Variants in HECW2 observed in about 807,000 individuals in gnomAD.
HECW2 encodes E3 ubiquitin-protein ligase HECW2.
In HECW2, 61 loss-of-function variants were observed where a neutral mutation model predicts 175.2. That is an observed-to-expected ratio of 0.35 (90% confidence interval 0.28 to 0.43). The LOEUF (loss-of-function observed/expected upper bound fraction) is 0.43, where lower values mean the gene tolerates loss of function less well. Among genes scored for constraint, HECW2 ranks in the 20% least tolerant of loss-of-function variants. HECW2 has a pLI of 1.00. For synonymous variants in HECW2, 671 were observed against 731.0 expected (o/e 0.92, Z 1.32); for missense variants, 1,524 against 2,000.5 (o/e 0.76, Z 4.54).
chr2:196,361,870 A>G (rs1227228851), intron 2 of HECW2: 1 of 985,266 alleles, frequency 1.0e-6, no homozygotes, highest in African/African-American at 1.7e-5. Context: ...GGCAGCAGCA[A>G]GAAGAAACAT....
At chr2:196,353,689 C>A (rs1693254366) in intron 2 of HECW2, among the ~76,000 whole-genome samples, 1 of 152,236 alleles carries the variant, frequency 6.6e-6, no homozygotes, top group Non-Finnish European at 1.5e-5. Context: ...AGCCGTGATT[C>A]AGAGTGAGAA....
intron 1 of HECW2, among the ~76,000 whole-genome samples, chr2:196,443,851 A>G (rs1324101481): frequency 6.6e-6 from 1 of 152,156 alleles, no homozygotes; most frequent in African/African-American, 2.4e-5. Context: ...CCTGGGCAAC[A>G]TGGCAAAACC....
intron 28 of HECW2, among the ~76,000 whole-genome samples, chr2:196,212,382 G>C (rs1248830659): frequency 6.6e-6 from 1 of 152,038 alleles, no homozygotes; most frequent in African/African-American, 2.4e-5. Flanking sequence ...CCCAGTGAGT[G>C]TTATTCCCCT....
intron 1 of HECW2, among the ~76,000 whole-genome samples, chr2:196,566,699 A>ATTTTTTTTTTTTTTTTTTTT (rs58391487): frequency 1.1e-5 from 1 of 94,206 alleles, no homozygotes. Flanking sequence ...CACCCAGCTA[A>ATTTTTTTTTTTTTTTTTTTT]TTTTTTTTTT....
chr2:196,559,037 A>G (rs1216594527), intron 1 of HECW2, among the ~76,000 whole-genome samples: 2 of 152,206 alleles, frequency 1.3e-5, no homozygotes, highest in Non-Finnish European at 2.9e-5. Flanking sequence ...AATTAACCCT[A>G]TTTTTACAAT....
At position 196,220,085 on chromosome 2, in the gene HECW2, A is replaced by C; in HGVS notation, c.4362T>G (p.Ala1454=). The C allele has an allele frequency of 6.2e-7, 1 of 1,613,556 alleles. No individual in the cohort carries two copies. The highest frequency in any genetic ancestry group is 1.1e-5 in the South Asian group (1 of 91,078). The change falls in exon 26 of 29, where the codon GCT becomes GCG. Residue 1454 remains alanine (A), a synonymous_variant. Coordinates refer to ENST00000644978, the MANE Select transcript of HECW2 (RefSeq NM_001348768.2). ...RELELVIAGT[A]EIDLSDWRNN... is the part of the protein sequence containing the mutation. ...TTCTCCAATCACTTAGGTCTATTTC[A>C]GCTGTGCCTGCGATGACCAATTCCA...
At chr2:196,347,210 G>A (rs1414115160) in intron 2 of HECW2, among the ~76,000 whole-genome samples, 2 of 149,998 alleles carry the variant, frequency 1.3e-5, no homozygotes, top group South Asian at 2.1e-4. Flanking sequence ...CTGCCACCAC[G>A]CCCAGCTAAT....
At chr2:196,372,250 A>G (rs1302465823) in intron 2 of HECW2, among the ~76,000 whole-genome samples, 1 of 152,230 alleles carries the variant, frequency 6.6e-6, no homozygotes, top group East Asian at 1.9e-4. Context: ...AAGTATCAGT[A>G]AATTATTCTA....
chr2:196,528,712 T>C (rs1287951456), intron 1 of HECW2, among the ~76,000 whole-genome samples: 6 of 152,252 alleles, frequency 3.9e-5, no homozygotes, highest in African/African-American at 1.4e-4. Context: ...GTCACAATTA[T>C]GTGGTCATGC....
chr2:196,539,173 A>C (rs1248307954), intron 1 of HECW2, among the ~76,000 whole-genome samples: 2 of 152,308 alleles, frequency 1.3e-5, no homozygotes, highest in South Asian at 2.1e-4. Flanking sequence ...TGGGGTGCTC[A>C]GTCCCTGTAG....
chr2:196,461,190 C>T (rs565502575), intron 1 of HECW2, among the ~76,000 whole-genome samples: 3 of 152,166 alleles, frequency 2.0e-5, no homozygotes, highest in Admixed American at 6.5e-5. Flanking sequence ...GAAAGAAAGG[C>T]AGGCAGGCAG....
At chr2:196,573,405 C>A (rs920644973) in intron 1 of HECW2, among the ~76,000 whole-genome samples, 1 of 151,878 alleles carries the variant, frequency 6.6e-6, no homozygotes, top group East Asian at 1.9e-4. Context: ...CTATTTCCAT[C>A]ACTCTCTCCC....
chr2:196,500,239 A>T (rs1228040849), intron 1 of HECW2, among the ~76,000 whole-genome samples: 3 of 152,210 alleles, frequency 2.0e-5, no homozygotes. Context: ...TAGTAGATAC[A>T]ACTCTGTGAA....
At chr2:196,242,009 A>C in intron 20 of HECW2, 75 bp downstream of exon 20, 1 of 1,408,716 alleles carries the variant, frequency 7.1e-7, no homozygotes, top group Non-Finnish European at 9.9e-7. Context: ...AATCACAATC[A>C]ATTTCCTAGA....
At position 196,201,204 on chromosome 2, in the gene HECW2, A is replaced by C; in HGVS notation, c.*73T>G. On this transcript the variant is annotated 3_prime_UTR_variant, in exon 29 of 29. Coordinates refer to ENST00000644978, the MANE Select transcript of HECW2 (RefSeq NM_001348768.2). The stretch of plus-strand genomic sequence containing the variant: ...AAGGAAGCATCCTCTTGAAACTTCC[A>C]ATGTTCAATCATTCTTCTAGAAGGC... The C allele has an allele frequency of 1.0e-6, 1 of 973,652 alleles. No homozygotes were observed. The highest frequency in any genetic ancestry group is 2.4e-5 in the East Asian group (1 of 41,840). 60.3% of individuals were successfully genotyped at this position (973,652 alleles called of 1,614,324 possible).
In HECW2 at chr2:196,292,757, A is replaced by G; in HGVS notation, c.2815-7T>C. 1 of 1,605,834 alleles carries G rather than the reference A, an allele frequency of 6.2e-7. No individual in the cohort carries two copies. The highest frequency in any genetic ancestry group is 1.1e-5 in the South Asian group (1 of 90,706). ...TAAACATGCGGTAGGCACTCTAAAGAAAAGAATGGAGAACCAATGTTAACC... is the reference window on the plus strand; with the variant it reads ...TAAACATGCGGTAGGCACTCTAAAGGAAAGAATGGAGAACCAATGTTAACC... On this transcript the variant is annotated splice_polypyrimidine_tract_variant and splice_region_variant and intron_variant, in intron 13 of 28. Coordinates refer to ENST00000644978, the MANE Select transcript of HECW2 (RefSeq NM_001348768.2).
chr2:196,466,908 T>C (rs1696975841), intron 1 of HECW2, among the ~76,000 whole-genome samples: 1 of 152,208 alleles, frequency 6.6e-6, no homozygotes, highest in African/African-American at 2.4e-5. Flanking sequence ...TTTTGTTGAC[T>C]CCTCGATTTT....
chr2:196,398,893 T>C (rs369558284), intron 2 of HECW2, among the ~76,000 whole-genome samples: 1 of 152,172 alleles, frequency 6.6e-6, no homozygotes, highest in African/African-American at 2.4e-5. Context: ...TGTGGGAGGA[T>C]GGCTTGAGCC....
chr2:196,413,447 G>C (rs1695170108), intron 2 of HECW2, among the ~76,000 whole-genome samples: 1 of 152,104 alleles, frequency 6.6e-6, no homozygotes, highest in South Asian at 2.1e-4. Flanking sequence ...CCAGGTTCAA[G>C]CAATTCTCCC....
Sources: gnomAD v4.1 joint callset for allele counts (sites outside exome capture counted in the v4.1 genomes callset) on GRCh38, gnomAD v4.1.1 for gene constraint, MANE v1.5 for transcripts, NCBI Gene and HGNC (gene_info 2026-07-23, HGNC 2026-07-21) for gene names.